The following TBX19 variants were observed in gnomAD, a reference collection of about 807,000 sequenced individuals.
The protein encoded by TBX19 is T-box transcription factor TBX19.
Under a neutral mutation model 40.9 loss-of-function variants are expected in TBX19, and 33 were observed. That is an observed-to-expected ratio of 0.81 (90% CI 0.61 to 1.08). The LOEUF (loss-of-function observed/expected upper bound fraction) is 1.08. Among genes scored for constraint, TBX19 ranks in the 50% least tolerant of loss-of-function variants. The pLI is 0.00. For synonymous variants in TBX19, 220 were observed against 225.0 expected (o/e 0.98, Z 0.20); for missense variants, 494 against 574.0 (o/e 0.86, Z 1.42).
At position 168,305,201 on chromosome 1, in the gene TBX19, G is replaced by C. The variant is rs1375529812; in HGVS notation, c.916+5G>C. ...ACAGAAACCATTCTCCCTCAGGTCT[G>C]TGACTCTGCTGATTAAACCCTTGGG... On this transcript the variant is annotated splice_donor_5th_base_variant and intron_variant, in intron 6 of 7. Coordinates refer to ENST00000367821, the MANE Select transcript of TBX19 (RefSeq NM_005149.3). 1 of 1,609,536 alleles carries C rather than the reference G, an allele frequency of 6.2e-7. No homozygotes were observed. Among genetic ancestry groups the C allele is most frequent in the Non-Finnish European group, 8.5e-7 (1 of 1,179,972 alleles).
Position 168,281,545 on chromosome 1 carries a change from G to C in TBX19, c.203+252G>C, listed in dbSNP as rs555837678. Among the ~76,000 whole-genome samples the C allele has an allele frequency of 2.0e-5, 3 of 152,356 alleles. No homozygotes were observed. The South Asian group carries it at 6.2e-4, about 32-fold the overall frequency. On this transcript the variant is annotated intron_variant, in intron 1 of 7. Transcript: ENST00000367821. ...AATTCTGGGGAAATTACCATAAAGT[G>C]GGGGGCATGCCCCATTGGGATGGGA...
intron 1 of TBX19, 81 bp downstream of exon 1, chr1:168,281,374 G>T (rs572721566): frequency 1.5e-6 from 2 of 1,321,834 alleles, no homozygotes; most frequent in South Asian, 1.2e-5. Context: ...AGAGGCTGCC[G>T]CTCTTCACTC....
intron 3 of TBX19, among the ~76,000 whole-genome samples, chr1:168,293,756 CT>C (rs1401832840): frequency 6.6e-6 from 1 of 152,126 alleles, no homozygotes; most frequent in East Asian, 1.9e-4. Context: ...CACAGTTAGT[CT>C]GCTGCTGCCC....
intron 7 of TBX19, among the ~76,000 whole-genome samples, chr1:168,309,690 C>T (rs1377428244): frequency 6.6e-6 from 1 of 152,244 alleles, no homozygotes; most frequent in Admixed American, 6.5e-5. Flanking sequence ...GTTCTGACTT[C>T]TAGAAATCTG....
At chr1:168,297,875 C>A in intron 4 of TBX19, 90 bp downstream of exon 4, 1 of 1,133,960 alleles carries the variant, frequency 8.8e-7, no homozygotes, top group Non-Finnish European at 1.3e-6. Flanking sequence ...AGGAACTAGA[C>A]TAGTAGCACT....
chr1:168,291,459 C>T (rs369885928), intron 2 of TBX19, 35 bp downstream of exon 2: 1 of 1,613,848 alleles, frequency 6.2e-7, no homozygotes. Flanking sequence ...GCCACCCGCT[C>T]CGGCCTCCCC....
chr1:168,285,277 A>G (rs1447902092), intron 1 of TBX19, among the ~76,000 whole-genome samples: 1 of 150,868 alleles, frequency 6.6e-6, no homozygotes, highest in Non-Finnish European at 1.5e-5. Context: ...ACACACACAC[A>G]CACACACACA....
chr1:168,287,053 G>T (rs1648822721), intron 1 of TBX19, among the ~76,000 whole-genome samples: 1 of 152,224 alleles, frequency 6.6e-6, no homozygotes, highest in Non-Finnish European at 1.5e-5. Context: ...TAGCATGAAA[G>T]ATGGAAAGCC....
At chr1:168,312,610 C>T (rs988821903) in intron 7 of TBX19, 98 bp from the exon 8 acceptor site, 7 of 1,402,156 alleles carry the variant, frequency 5.0e-6, no homozygotes, top group Admixed American at 1.7e-5. Flanking sequence ...CCTCCTGTAA[C>T]CATGCCCTTC....
intron 7 of TBX19, among the ~76,000 whole-genome samples, chr1:168,310,169 G>T (rs529639799): frequency 4.6e-5 from 7 of 152,158 alleles, no homozygotes; most frequent in Admixed American, 2.6e-4. Flanking sequence ...AGGCGTGGTG[G>T]TGCATGCCTG....
At chr1:168,309,875 G>C (rs1486394622) in intron 7 of TBX19, among the ~76,000 whole-genome samples, 1 of 152,184 alleles carries the variant, frequency 6.6e-6, no homozygotes, top group East Asian at 1.9e-4. Flanking sequence ...GAGTTACTGT[G>C]AGCATCAAAT....
intron 1 of TBX19, among the ~76,000 whole-genome samples, chr1:168,287,021 A>T (rs1214970532): frequency 6.6e-6 from 1 of 152,240 alleles, no homozygotes. Context: ...CTTCTTTGAA[A>T]CATCAGGTAC....
chr1:168,289,581 C>G (rs1421131207), intron 1 of TBX19, among the ~76,000 whole-genome samples: 3 of 152,162 alleles, frequency 2.0e-5, no homozygotes, highest in African/African-American at 7.2e-5. Context: ...AATTTATATA[C>G]TTGTCCTAGC....
chr1:168,299,395 G>T (rs538068732), intron 4 of TBX19, among the ~76,000 whole-genome samples: 1 of 152,112 alleles, frequency 6.6e-6, no homozygotes, highest in Non-Finnish European at 1.5e-5. Context: ...TCACCTTAAA[G>T]GCTCTGATAA....
In TBX19 at chr1:168,291,070, G is replaced by A. The variant is rs375642999; in HGVS notation, c.204-90G>A. The A allele has an allele frequency of 2.0e-5, 32 of 1,577,652 alleles. No homozygotes were observed. In the African/African-American group the frequency reaches 2.3e-4, roughly 11 times the overall value. On this transcript the variant is annotated intron_variant, in intron 1 of 7. Coordinates refer to ENST00000367821, the MANE Select transcript of TBX19 (RefSeq NM_005149.3). The stretch of plus-strand genomic sequence containing the variant: ...ATTTGGCCTCCTCACAGGGCATTCC[G>A]TGGAAGGTCTCAGTATTGAGAGGCC...
chr1:168,296,468 G>A (rs1240405877), intron 3 of TBX19, among the ~76,000 whole-genome samples: 1 of 152,102 alleles, frequency 6.6e-6, no homozygotes, highest in African/African-American at 2.4e-5. Flanking sequence ...AAGAGAATGA[G>A]AGCCAAGAGA....
chr1:168,295,305 G>T (rs1057442602), intron 3 of TBX19, among the ~76,000 whole-genome samples: 3 of 151,746 alleles, frequency 2.0e-5, no homozygotes, highest in Non-Finnish European at 4.4e-5. Flanking sequence ...AAAAAAAAAA[G>T]ATCTTGTTGT....
chr1:168,292,817 T>C (rs552468378), intron 2 of TBX19, among the ~76,000 whole-genome samples: 4 of 128,764 alleles, frequency 3.1e-5, no homozygotes, highest in Admixed American at 1.1e-4. Context: ...TGAGCTGAGA[T>C]AGCGCCACTG....
rs778916517 is a variant in TBX19 at position 168,291,421 on chromosome 1, G to A, written c.465G>A (p.Gly155=). The A allele has an allele frequency of 6.2e-7, 1 of 1,614,168 alleles. No individual in the cohort carries two copies. Among genetic ancestry groups the A allele is most frequent in the Non-Finnish European group, 8.5e-7 (1 of 1,180,034 alleles). The stretch of plus-strand genomic sequence containing the variant: ...TGACCAACAAGCTCAATGGAGGCGG[G>A]CAGGTACGAATGAGGCGGGCAGGCC... ...VKLTNKLNGG[G]QIMLNSLHKY... The change falls in exon 2 of 8, where the codon GGG becomes GGA. Residue 155 remains glycine (G), a synonymous_variant. Transcript: ENST00000367821.
Sources: allele counts gnomAD v4.1 joint callset (sites outside exome capture counted in the v4.1 genomes callset), GRCh38; gene constraint gnomAD v4.1.1; transcripts MANE v1.5; gene names NCBI Gene and HGNC (gene_info 2026-07-23, HGNC 2026-07-21).